The following GRIP1 variants were observed in gnomAD, a reference collection of about 807,000 sequenced individuals.
GRIP1 encodes the protein glutamate receptor-interacting protein 1.
In GRIP1, 45 loss-of-function variants were observed where a neutral mutation model predicts 129.9. That is an observed-to-expected ratio of 0.35 (90% confidence interval 0.27 to 0.44). The LOEUF is 0.44. Ranked by LOEUF, GRIP1 falls within the 20% of genes least tolerant of loss-of-function variation. The probability of loss-of-function intolerance (pLI) is 1.00; values close to 1 mark genes in which losing one functional copy is unlikely to be tolerated. For synonymous variants in GRIP1, 530 were observed against 520.8 expected, an observed-to-expected ratio of 1.02 and a Z score of -0.24; for missense variants, 1,196 against 1,396.8, an observed-to-expected ratio of 0.86 and a Z score of 2.29.
chr12:67,051,853 C>T (rs1399568263), intron 1 of GRIP1, among the ~76,000 whole-genome samples: 1 of 152,218 alleles, frequency 6.6e-6, no homozygotes, highest in South Asian at 2.1e-4. Flanking sequence ...ATCATCACAT[C>T]TTTGCAGGTT....
intron 5 of GRIP1, among the ~76,000 whole-genome samples, chr12:66,528,882 C>T (rs1431170633): frequency 6.6e-6 from 1 of 152,026 alleles, no homozygotes; most frequent in East Asian, 1.9e-4. Flanking sequence ...AAAATCTTTA[C>T]AACCAATACA....
intron 23 of GRIP1, among the ~76,000 whole-genome samples, chr12:66,356,951 A>G (rs1592679075): frequency 6.6e-6 from 1 of 152,146 alleles, no homozygotes; most frequent in Non-Finnish European, 1.5e-5. Flanking sequence ...GCTCACTGCA[A>G]CTTGGCTCAC....
intron 1 of GRIP1, among the ~76,000 whole-genome samples, chr12:66,768,212 T>G (rs1355361257): frequency 6.6e-6 from 1 of 152,222 alleles, no homozygotes; most frequent in South Asian, 2.1e-4. Context: ...TGAGTAGGCA[T>G]GTCTTCCACC....
intron 2 of GRIP1, among the ~76,000 whole-genome samples, chr12:66,559,634 A>C (rs1307797145): frequency 6.6e-6 from 1 of 152,180 alleles, no homozygotes; most frequent in Non-Finnish European, 1.5e-5. Flanking sequence ...AGGTCTTTAC[A>C]ATGAAAACTT....
At chr12:66,786,979 C>T (rs1012418468) in intron 1 of GRIP1, among the ~76,000 whole-genome samples, 8 of 152,034 alleles carry the variant, frequency 5.3e-5, no homozygotes, top group Admixed American at 3.3e-4. Flanking sequence ...GCAGAGTGGG[C>T]GCTGGAGAGG....
At chr12:66,839,913 T>C (rs1208738986) in intron 1 of GRIP1, among the ~76,000 whole-genome samples, 2 of 152,214 alleles carry the variant, frequency 1.3e-5, no homozygotes, top group Non-Finnish European at 2.9e-5. Flanking sequence ...ATTGTCACCA[T>C]TTATATTTGA....
intron 1 of GRIP1, among the ~76,000 whole-genome samples, chr12:66,743,068 T>C (rs1226598048): frequency 6.6e-6 from 1 of 152,032 alleles, no homozygotes; most frequent in Non-Finnish European, 1.5e-5. Flanking sequence ...CCAAAACCCA[T>C]GGTAGCAATA....
chr12:66,964,847 G>T (rs1688195067), intron 1 of GRIP1, among the ~76,000 whole-genome samples: 1 of 152,022 alleles, frequency 6.6e-6, no homozygotes, highest in Non-Finnish European at 1.5e-5. Flanking sequence ...GGTTTCCTCT[G>T]AGGCCTCTTT....
At chr12:66,933,027 A>G (rs2041425103) in intron 1 of GRIP1, among the ~76,000 whole-genome samples, 1 of 152,228 alleles carries the variant, frequency 6.6e-6, no homozygotes, top group South Asian at 2.1e-4. Context: ...TCCTATAGGT[A>G]ACGAGTTCCA....
chr12:66,529,338 T>C (rs2139092187), intron 5 of GRIP1, among the ~76,000 whole-genome samples: 1 of 152,294 alleles, frequency 6.6e-6, no homozygotes, highest in Non-Finnish European at 1.5e-5. Context: ...TACTTGCACA[T>C]GCATATTTAC....
intron 5 of GRIP1, among the ~76,000 whole-genome samples, chr12:66,523,521 T>C (rs1304261658): frequency 1.3e-5 from 2 of 151,652 alleles, no homozygotes; most frequent in African/African-American, 4.9e-5. Flanking sequence ...AAAGAACTCC[T>C]GAAGGAAGCA....
intron 7 of GRIP1, among the ~76,000 whole-genome samples, chr12:66,514,853 G>A (rs7965031): frequency 0.47 from 71,261 of 151,900 alleles, 16,890 homozygotes; most frequent in African/African-American, 0.54. Context: ...CATAAAACTA[G>A]CTGGTAAAGT....
At chr12:66,533,632 C>T (rs189630201) in intron 4 of GRIP1, among the ~76,000 whole-genome samples, 390 of 151,964 alleles carry the variant, frequency 2.6e-3, no homozygotes, top group African/African-American at 8.8e-3. Flanking sequence ...GTGACAAGAG[C>T]GAAACTCCAT....
intron 2 of GRIP1, among the ~76,000 whole-genome samples, chr12:66,548,350 T>C (rs1435526678): frequency 6.6e-6 from 1 of 152,186 alleles, no homozygotes; most frequent in East Asian, 1.9e-4. Context: ...TAGGACTTTA[T>C]CTTGTTTTCA....
chr12:66,940,622 G>T (rs1487356798), intron 1 of GRIP1, among the ~76,000 whole-genome samples: 1 of 152,188 alleles, frequency 6.6e-6, no homozygotes, highest in African/African-American at 2.4e-5. Context: ...TTAACTACTT[G>T]AGGATTTTCT....
intron 1 of GRIP1, among the ~76,000 whole-genome samples, chr12:67,018,186 A>C (rs1288660128): frequency 1.3e-5 from 2 of 151,990 alleles, no homozygotes; most frequent in Non-Finnish European, 2.9e-5. Flanking sequence ...AAGACCCCCA[A>C]AAGTCTGGGC....
At chr12:66,873,688 C>G (rs2040334806) in intron 1 of GRIP1, among the ~76,000 whole-genome samples, 1 of 152,058 alleles carries the variant, frequency 6.6e-6, no homozygotes, top group Non-Finnish European at 1.5e-5. Context: ...CAGCTTACCA[C>G]AAGTCCCTGG....
chr12:66,678,481 A>G (rs992301447), intron 1 of GRIP1, among the ~76,000 whole-genome samples: 5 of 152,180 alleles, frequency 3.3e-5, no homozygotes, highest in Non-Finnish European at 7.3e-5. Context: ...TAGTATATGT[A>G]TCATAGAAAG....
chr12:66,898,007 C>A (rs1431713330), intron 1 of GRIP1, among the ~76,000 whole-genome samples: 1 of 152,124 alleles, frequency 6.6e-6, no homozygotes, highest in Non-Finnish European at 1.5e-5. Context: ...AAATCTCAAG[C>A]AACAGTACAG....
Sources: allele counts gnomAD v4.1 joint callset (sites outside exome capture counted in the v4.1 genomes callset), GRCh38; gene constraint gnomAD v4.1.1; transcripts MANE v1.5; gene names NCBI Gene and HGNC (gene_info 2026-07-23, HGNC 2026-07-21).